The following BBS9 variants were observed in gnomAD, a reference collection of about 807,000 sequenced individuals.
The protein encoded by BBS9 is Bardet-Biedl syndrome 9, also known as protein PTHB1.
Under a neutral mutation model 117.7 loss-of-function variants are expected in BBS9, and 89 were observed. The observed-to-expected ratio is 0.76, with a 90% CI of 0.64 to 0.90. The LOEUF is 0.90. Ranked by LOEUF, BBS9 falls within the 40% of genes least tolerant of loss-of-function variation. The pLI is 0.00. For synonymous variants in BBS9, 379 were observed against 370.9 expected, an observed-to-expected ratio of 1.02 and a Z score of -0.25; for missense variants, 982 against 1,042.2, an observed-to-expected ratio of 0.94 and a Z score of 0.80.
At chr7:33,405,771 T>G (rs1006604355) in intron 19 of BBS9, among the ~76,000 whole-genome samples, 8 of 152,186 alleles carry the variant, frequency 5.3e-5, no homozygotes, top group Non-Finnish European at 1.0e-4. Context: ...GTCTATCAAT[T>G]TTGTTGATCT....
rs1384403511 is a variant in BBS9, at chr7:33,472,230, T to C, written c.2116-33233T>C. 3.9e-5 allele frequency among the ~76,000 whole-genome samples: 6 copies of C among 152,208 alleles called. No individual in the cohort carries two copies. In the East Asian group the frequency reaches 1.2e-3, roughly 29 times the overall value. On this transcript the variant is annotated intron_variant, in intron 19 of 22. Coordinates refer to ENST00000242067, the MANE Select transcript of BBS9 (RefSeq NM_198428.3). ...AGGCATATCTAAAGCACTGTGAAGA[T>C]GTCCAGGTAAGTTTATTAAGTTCTG... is the stretch of plus-strand genomic sequence containing the variant.
chr7:33,338,692 T>G (rs1663666760), intron 10 of BBS9, among the ~76,000 whole-genome samples: 1 of 152,204 alleles, frequency 6.6e-6, no homozygotes, highest in African/African-American at 2.4e-5. Context: ...ATCATAGTAA[T>G]AATTTCTGTA....
At chr7:33,254,530 A>G (rs866640463) in intron 5 of BBS9, among the ~76,000 whole-genome samples, 2 of 152,216 alleles carry the variant, frequency 1.3e-5, no homozygotes, top group African/African-American at 2.4e-5. Flanking sequence ...TGATGAGAAC[A>G]AAGATCTATT....
chr7:33,275,786 G>T (rs1800661077), intron 9 of BBS9, among the ~76,000 whole-genome samples: 1 of 152,180 alleles, frequency 6.6e-6, no homozygotes, highest in Non-Finnish European at 1.5e-5. Context: ...ACTGAGAAAA[G>T]TGCAAAGGTA....
chr7:33,311,319 A>G (rs922122419), intron 9 of BBS9, among the ~76,000 whole-genome samples: 5 of 152,182 alleles, frequency 3.3e-5, no homozygotes, highest in African/African-American at 1.2e-4. Flanking sequence ...ACAGGAAACC[A>G]TTGGAGGTTT....
chr7:33,200,556 T>A (rs747617982), intron 5 of BBS9, among the ~76,000 whole-genome samples: 5 of 152,194 alleles, frequency 3.3e-5, no homozygotes, highest in Non-Finnish European at 4.4e-5. Context: ...GAAAATGATC[T>A]TAGTGGATTT....
intron 4 of BBS9, among the ~76,000 whole-genome samples, chr7:33,169,539 A>T (rs1796208104): frequency 6.7e-6 from 1 of 148,896 alleles, no homozygotes; most frequent in Non-Finnish European, 1.5e-5. Context: ...TGTGGTTTTG[A>T]TTTGCATTTC....
chr7:33,269,051 C>T (rs951705081), intron 7 of BBS9, among the ~76,000 whole-genome samples: 3 of 152,230 alleles, frequency 2.0e-5, no homozygotes, highest in Non-Finnish European at 4.4e-5. Flanking sequence ...TAGTCTGATG[C>T]ACCTACCTAT....
chr7:33,437,404 G>T (rs1835461850), intron 19 of BBS9, among the ~76,000 whole-genome samples: 1 of 152,108 alleles, frequency 6.6e-6, no homozygotes, highest in African/African-American at 2.4e-5. Context: ...ATTTTTAATG[G>T]ATATATAGAG....
At chr7:33,277,384 T>C (rs1474375761) in intron 9 of BBS9, among the ~76,000 whole-genome samples, 1 of 152,194 alleles carries the variant, frequency 6.6e-6, no homozygotes, top group African/African-American at 2.4e-5. Context: ...GAGTAGGTAG[T>C]TGGTTCCCTT....
intron 9 of BBS9, among the ~76,000 whole-genome samples, chr7:33,276,399 A>G (rs1240550581): frequency 6.6e-6 from 1 of 152,222 alleles, no homozygotes; most frequent in African/African-American, 2.4e-5. Context: ...AAAAATGATC[A>G]TAAGTACAGA....
chr7:33,171,634 A>G (rs986139196), intron 4 of BBS9, among the ~76,000 whole-genome samples: 1 of 152,212 alleles, frequency 6.6e-6, no homozygotes. Flanking sequence ...GTTTTTTAAC[A>G]GACCTAAATA....
At chr7:33,215,951 C>T (rs1788976678) in intron 5 of BBS9, among the ~76,000 whole-genome samples, 1 of 151,982 alleles carries the variant, frequency 6.6e-6, no homozygotes, top group South Asian at 2.1e-4. Context: ...TTACAAATAT[C>T]ATGTTTAGGA....
chr7:33,583,473 A>G (rs999677437), intron 21 of BBS9, among the ~76,000 whole-genome samples: 2 of 152,010 alleles, frequency 1.3e-5, no homozygotes, highest in African/African-American at 2.4e-5. Context: ...TAATTTTCAC[A>G]TATAGTTTTT....
At chr7:33,545,822 CGTAT>C (rs1204915274) in intron 21 of BBS9, among the ~76,000 whole-genome samples, 1 of 150,650 alleles carries the variant, frequency 6.6e-6, no homozygotes, top group Non-Finnish European at 1.5e-5. Context: ...ACACTCACTA[CGTAT>C]GTGTTTGTAT....
At chr7:33,438,129 G>A (rs1035981508) in intron 19 of BBS9, among the ~76,000 whole-genome samples, 12 of 151,900 alleles carry the variant, frequency 7.9e-5, no homozygotes, top group Non-Finnish European at 4.4e-5. Flanking sequence ...TAAACCAATT[G>A]GCTATCTATA....
At position 33,442,523 on chromosome 7, in the gene BBS9, A is replaced by G. The variant is rs886217524; in HGVS notation, c.2115+54379A>G. On this transcript the variant is annotated intron_variant, in intron 19 of 22. Transcript: ENST00000242067. ...CGTTTGTAGTGGAATTGAGGGGTGAACATTAATAATGTTAGAAAGTGTTTT... is the reference window on the plus strand; with the variant it reads ...CGTTTGTAGTGGAATTGAGGGGTGAGCATTAATAATGTTAGAAAGTGTTTT... Among the ~76,000 whole-genome samples the G allele has an allele frequency of 2.6e-5, 4 of 152,366 alleles. No individual in the cohort carries two copies. The East Asian group carries it at 7.7e-4, about 29-fold the overall frequency.
At chr7:33,137,824 T>C (rs113142878) in intron 1 of BBS9, among the ~76,000 whole-genome samples, 18 of 152,302 alleles carry the variant, frequency 1.2e-4, no homozygotes, top group African/African-American at 3.6e-4. Context: ...ACTTCGGACA[T>C]TGGGGGAACA....
chr7:33,259,837 C>T (rs1797669089), intron 6 of BBS9, among the ~76,000 whole-genome samples: 1 of 151,478 alleles, frequency 6.6e-6, no homozygotes, highest in African/African-American at 2.4e-5. Flanking sequence ...CTTATTCAGC[C>T]TCTCCTTCCC....
Sources: allele counts gnomAD v4.1 joint callset (sites outside exome capture counted in the v4.1 genomes callset), GRCh38; gene constraint gnomAD v4.1.1; transcripts MANE v1.5; gene names NCBI Gene and HGNC (gene_info 2026-07-23, HGNC 2026-07-21).